Variants in PUDP observed in about 807,000 individuals in gnomAD.
PUDP encodes the protein pseudouridine 5'-phosphatase.
In PUDP, 8 loss-of-function variants were observed where a neutral mutation model predicts 9.4. The observed-to-expected ratio is 0.85, with a 90% CI of 0.50 to 1.53. The LOEUF (loss-of-function observed/expected upper bound fraction) is 1.53. Ranked by LOEUF, PUDP falls within the 40% of genes most tolerant of loss-of-function variation. The pLI is 0.00. For missense variants in PUDP, 188 were observed against 189.7 expected (o/e 0.99, Z 0.05); for synonymous variants, 99 against 80.7 (o/e 1.23, Z -1.22).
At chrX:6,787,492 T>C (rs1385727964) in intron 3 of PUDP, among the ~76,000 whole-genome samples, 1 of 112,231 alleles carries the variant, frequency 8.9e-6, no homozygotes, top group Non-Finnish European at 1.9e-5. Flanking sequence ...TCTTGTCATA[T>C]TGTGTTTTGC....
chrX:7,120,734 G>C (rs1206838253), intron 1 of PUDP, among the ~76,000 whole-genome samples: 1 of 112,247 alleles, frequency 8.9e-6, no homozygotes, highest in African/African-American at 3.2e-5. Flanking sequence ...ATTTGTAACA[G>C]CTAAAAACTG....
chrX:6,849,832 A>C (rs1347709466), intron 3 of PUDP, among the ~76,000 whole-genome samples: 1 of 112,033 alleles, frequency 8.9e-6, no homozygotes, highest in Non-Finnish European at 1.9e-5. Context: ...TAAAATGCTA[A>C]GTAGTTATGT....
chrX:7,105,180 T>A (rs1238494825), intron 2 of PUDP, among the ~76,000 whole-genome samples: 1 of 110,874 alleles, frequency 9.0e-6, no homozygotes, highest in Non-Finnish European at 1.9e-5. Flanking sequence ...TTTTACTTTT[T>A]TTTTTTTTTA....
At chrX:6,800,841 G>A (rs956669818) in intron 3 of PUDP, among the ~76,000 whole-genome samples, 5 of 111,507 alleles carry the variant, frequency 4.5e-5, no homozygotes, top group East Asian at 2.8e-4. Flanking sequence ...GCCTAAAATC[G>A]CAATTTGCTC....
At chrX:6,738,605 A>T (rs1177337713) in intron 3 of PUDP, among the ~76,000 whole-genome samples, 1 of 111,874 alleles carries the variant, frequency 8.9e-6, no homozygotes, top group Non-Finnish European at 1.9e-5. Flanking sequence ...TACAGGGATT[A>T]TTCTTTCCCT....
chrX:6,902,012 G>A lies in PUDP; in HGVS notation c.*247+75121C>T, dbSNP rs139010387. Reference sequence around the variant, plus strand: ...CCTCAGCCTCCTGAGTAGCTGGGACGATAGGCACACACCATCATTCCTAGC... The same window carrying A: ...CCTCAGCCTCCTGAGTAGCTGGGACAATAGGCACACACCATCATTCCTAGC... On this transcript the variant is annotated intron_variant and NMD_transcript_variant, in intron 3 of 3. Coordinates refer to the PUDP transcript ENST00000655425. Among the ~76,000 whole-genome samples the A allele has an allele frequency of 9.9e-3, 1,091 of 110,215 alleles. 16 individuals are homozygous for A. The highest frequency in any genetic ancestry group is 0.035 in the African/African-American group (1,051 of 30,280).
chrX:6,803,826 T>C (rs917322857), intron 3 of PUDP, among the ~76,000 whole-genome samples: 1 of 111,823 alleles, frequency 8.9e-6, no homozygotes, highest in African/African-American at 3.3e-5. Context: ...TCCAGATCAT[T>C]GCACAACCCC....
intron 2 of PUDP, among the ~76,000 whole-genome samples, chrX:7,095,385 A>G (rs1465855706): frequency 8.9e-6 from 1 of 112,532 alleles, no homozygotes; most frequent in Non-Finnish European, 1.9e-5. Flanking sequence ...ACATGCAGTG[A>G]GTCCTCAATG....
chrX:6,807,049 T>C (rs2146698655), intron 3 of PUDP, among the ~76,000 whole-genome samples: 1 of 112,245 alleles, frequency 8.9e-6, no homozygotes, highest in South Asian at 3.7e-4. Flanking sequence ...CTCTGAAAGG[T>C]TGCCTATTGG....
intron 1 of PUDP, among the ~76,000 whole-genome samples, chrX:7,109,761 G>T (rs1355245153): frequency 8.9e-6 from 1 of 112,425 alleles, no homozygotes; most frequent in Non-Finnish European, 1.9e-5. Context: ...GTTGTGAAAG[G>T]AAAAATGCTG....
chrX:7,020,931 C>T (rs5936170), intron 1 of PUDP, among the ~76,000 whole-genome samples: 40,743 of 111,493 alleles, frequency 0.37, 5,471 homozygotes, highest in Non-Finnish European at 0.41. Context: ...CGTGGACTGG[C>T]CACTGAGAGG....
intron 1 of PUDP, among the ~76,000 whole-genome samples, chrX:7,146,206 G>A (rs1287560864): frequency 1.8e-5 from 2 of 111,788 alleles, no homozygotes; most frequent in Admixed American, 9.5e-5. Context: ...CTAGATCAGA[G>A]GATTGGGTAA....
At chrX:7,071,822 G>GC (rs1930742541) in intron 3 of PUDP, among the ~76,000 whole-genome samples, 1 of 107,299 alleles carries the variant, frequency 9.3e-6, no homozygotes, top group Non-Finnish European at 1.9e-5. Flanking sequence ...TGTCACCCAG[G>GC]CTGGAGGGCA....
intron 3 of PUDP, among the ~76,000 whole-genome samples, chrX:6,907,082 A>G (rs1927778897): frequency 1.8e-5 from 2 of 110,566 alleles, no homozygotes. Context: ...AATTCCCATA[A>G]TCCCACATGT....
chrX:6,848,983 T>C (rs1475549069), intron 3 of PUDP, among the ~76,000 whole-genome samples: 4 of 112,316 alleles, frequency 3.6e-5, no homozygotes, highest in Admixed American at 9.4e-5. Flanking sequence ...AAAGGAAGTA[T>C]TCCCTAACTC....
chrX:6,780,254 TAC>T (rs978281366), intron 3 of PUDP, among the ~76,000 whole-genome samples: 1 of 109,688 alleles, frequency 9.1e-6, no homozygotes, highest in Non-Finnish European at 1.9e-5. Flanking sequence ...TATACATATA[TAC>T]ACACACAAAA....
At chrX:6,898,530 T>C (rs912761119) in intron 3 of PUDP, among the ~76,000 whole-genome samples, 1 of 111,850 alleles carries the variant, frequency 8.9e-6, no homozygotes, top group Non-Finnish European at 1.9e-5. Flanking sequence ...CTCTGGTTAC[T>C]TTTTAAACAA....
chrX:7,118,080 C>T (rs370611372), intron 1 of PUDP, among the ~76,000 whole-genome samples: 2 of 113,152 alleles, frequency 1.8e-5, no homozygotes, highest in African/African-American at 6.4e-5. Context: ...CTAATACAAT[C>T]AGGAAACTTT....
intron 3 of PUDP, among the ~76,000 whole-genome samples, chrX:6,743,043 C>T (rs1253252475): frequency 1.8e-5 from 2 of 112,129 alleles, no homozygotes; most frequent in Non-Finnish European, 3.8e-5. Context: ...GCCCTATTCT[C>T]CTTCAAGATG....
Sources: gnomAD v4.1 joint callset for allele counts (sites outside exome capture counted in the v4.1 genomes callset) on GRCh38, gnomAD v4.1.1 for gene constraint, MANE v1.5 for transcripts, NCBI Gene and HGNC (gene_info 2026-07-23, HGNC 2026-07-21) for gene names.